CHRM3: variants seen among roughly 807,000 people sequenced by gnomAD.
CHRM3 encodes muscarinic acetylcholine receptor M3.
A neutral mutation model predicts 41.8 loss-of-function variants in CHRM3; 11 were observed. That is an observed-to-expected ratio of 0.26 (90% CI 0.17 to 0.44). The LOEUF is 0.44. Among genes scored for constraint, CHRM3 ranks in the 20% least tolerant of loss-of-function variants. CHRM3 has a pLI of 1.00. For missense variants in CHRM3, 571 were observed against 745.4 expected, an observed-to-expected ratio of 0.77 and a Z score of 2.72; for synonymous variants, 297 against 301.4, an observed-to-expected ratio of 0.99 and a Z score of 0.15.
rs115862120 is a variant in CHRM3, at chr1:239,482,768, G to A, written c.-520-9941G>A. 6.4e-3 allele frequency among the ~76,000 whole-genome samples: 975 copies of A among 152,094 alleles called. 14 individuals carry two copies. Among genetic ancestry groups the A allele is most frequent in the African/African-American group, 0.023 (943 of 41,462 alleles). On this transcript the variant is annotated intron_variant, in intron 1 of 6. Transcript: ENST00000676153. ...TCTTTCATATTTATCCATTATGGCCGGTACCTAGCTTAGTGGCTAGAAATT... is the reference window on the plus strand; with the variant it reads ...TCTTTCATATTTATCCATTATGGCCAGTACCTAGCTTAGTGGCTAGAAATT...
At chr1:239,511,792 T>A (rs1668940583) in intron 2 of CHRM3, among the ~76,000 whole-genome samples, 1 of 152,318 alleles carries the variant, frequency 6.6e-6, no homozygotes, top group African/African-American at 2.4e-5. Context: ...GAAATTGAGA[T>A]GAAAAGTGCA....
At chr1:239,556,584 C>T (rs1660375838) in intron 3 of CHRM3, among the ~76,000 whole-genome samples, 1 of 152,086 alleles carries the variant, frequency 6.6e-6, no homozygotes, top group African/African-American at 2.4e-5. Context: ...AAATGTAGCA[C>T]ACTAAAAATA....
intron 1 of CHRM3, among the ~76,000 whole-genome samples, chr1:239,460,758 AGTG>A (rs763422123): frequency 1.3e-5 from 2 of 152,212 alleles, no homozygotes; most frequent in Admixed American, 6.5e-5. Context: ...TATACTTAGA[AGTG>A]GTGGGAAACA....
chr1:239,464,529 A>T (rs1364312770), intron 1 of CHRM3, among the ~76,000 whole-genome samples: 1 of 151,732 alleles, frequency 6.6e-6, no homozygotes, highest in Non-Finnish European at 1.5e-5. Context: ...AAACAACCTT[A>T]CTCTGCTGCC....
intron 6 of CHRM3, among the ~76,000 whole-genome samples, chr1:239,856,224 G>T (rs1400318653): frequency 1.3e-5 from 2 of 152,134 alleles, no homozygotes; most frequent in African/African-American, 4.8e-5. Flanking sequence ...TAGCTGTGTA[G>T]TATAGAAGGT....
intron 3 of CHRM3, among the ~76,000 whole-genome samples, chr1:239,549,460 G>C (rs1352237154): frequency 1.4e-5 from 2 of 148,058 alleles, no homozygotes; most frequent in African/African-American, 5.0e-5. Context: ...GACCTGCCTG[G>C]CCAACATGGT....
intron 5 of CHRM3, among the ~76,000 whole-genome samples, chr1:239,739,293 G>C (rs1664645777): frequency 6.6e-6 from 1 of 152,160 alleles, no homozygotes; most frequent in South Asian, 2.1e-4. Context: ...TGCTGTGCTT[G>C]CCGGGGCTAT....
chr1:239,825,868 C>G (rs1672414598), intron 5 of CHRM3, among the ~76,000 whole-genome samples: 1 of 152,178 alleles, frequency 6.6e-6, no homozygotes, highest in Non-Finnish European at 1.5e-5. Flanking sequence ...GTGTGAAACA[C>G]TGCACCTGTC....
At chr1:239,490,004 C>T (rs1225585810) in intron 1 of CHRM3, among the ~76,000 whole-genome samples, 8 of 152,178 alleles carry the variant, frequency 5.3e-5, no homozygotes, top group Non-Finnish European at 1.0e-4. Flanking sequence ...CCCCTACTCA[C>T]TGTGGGAACT....
chr1:239,697,816 G>A (rs993187834), intron 5 of CHRM3, among the ~76,000 whole-genome samples: 2 of 152,154 alleles, frequency 1.3e-5, no homozygotes, highest in South Asian at 4.1e-4. Context: ...TGGCAGGATT[G>A]TCTCCAGAGT....
chr1:239,404,817 TA>T (rs1462358585), intron 1 of CHRM3, among the ~76,000 whole-genome samples: 1 of 148,620 alleles, frequency 6.7e-6, no homozygotes, highest in African/African-American at 2.5e-5. Context: ...TTATCTCAAA[TA>T]TACGCAGTTC....
At chr1:239,573,593 A>T (rs1358135498) in intron 3 of CHRM3, among the ~76,000 whole-genome samples, 1 of 152,116 alleles carries the variant, frequency 6.6e-6, no homozygotes, top group African/African-American at 2.4e-5. Flanking sequence ...ATAGTCTCAT[A>T]GAACTATGCA....
At chr1:239,402,978 G>A (rs982463279) in intron 1 of CHRM3, among the ~76,000 whole-genome samples, 25 of 152,048 alleles carry the variant, frequency 1.6e-4, no homozygotes, top group Admixed American at 5.2e-4. Context: ...TTTTTGATGC[G>A]AGATTAGTTA....
intron 3 of CHRM3, among the ~76,000 whole-genome samples, chr1:239,555,937 C>T (rs946755293): frequency 6.6e-6 from 1 of 152,092 alleles, no homozygotes; most frequent in African/African-American, 2.4e-5. Flanking sequence ...AGTCATGCAC[C>T]GTGCTGAGAT....
intron 6 of CHRM3, among the ~76,000 whole-genome samples, chr1:239,880,144 T>C (rs145413669): frequency 3.6e-4 from 55 of 152,278 alleles, no homozygotes; most frequent in African/African-American, 1.2e-3. Flanking sequence ...ATCCGAGGCA[T>C]AGAGAAGGGG....
chr1:239,513,799 T>G (rs1669079930), intron 2 of CHRM3, among the ~76,000 whole-genome samples: 1 of 152,174 alleles, frequency 6.6e-6, no homozygotes, highest in Non-Finnish European at 1.5e-5. Context: ...TGGATAAAAT[T>G]TTATAAATGT....
intron 3 of CHRM3, among the ~76,000 whole-genome samples, chr1:239,599,789 A>G (rs1665285484): frequency 6.6e-6 from 1 of 152,202 alleles, no homozygotes; most frequent in East Asian, 1.9e-4. Flanking sequence ...ATAGTGTTGA[A>G]TATCTCATGT....
chr1:239,593,587 A>G (rs190454947), intron 3 of CHRM3, among the ~76,000 whole-genome samples: 67 of 152,326 alleles, frequency 4.4e-4, no homozygotes, highest in Admixed American at 2.9e-3. Flanking sequence ...ACAGAGATGA[A>G]CTATGACGAT....
chr1:239,603,706 GGT>G (rs1665894253), intron 3 of CHRM3, among the ~76,000 whole-genome samples: 1 of 151,844 alleles, frequency 6.6e-6, no homozygotes, highest in African/African-American at 2.4e-5. Flanking sequence ...TCGCTCACAG[GGT>G]ACTTCCAAGG....
Sources: gnomAD v4.1 joint callset for allele counts (sites outside exome capture counted in the v4.1 genomes callset) on GRCh38, gnomAD v4.1.1 for gene constraint, MANE v1.5 for transcripts, NCBI Gene and HGNC (gene_info 2026-07-23, HGNC 2026-07-21) for gene names.